Variants in TBCE observed in about 807,000 individuals in gnomAD.
TBCE encodes the protein tubulin-specific chaperone E.
A neutral mutation model predicts 77.0 loss-of-function variants in TBCE; 53 were observed. The ratio of observed to expected loss-of-function variants is 0.69; its 90% CI spans 0.55 to 0.87. The LOEUF (loss-of-function observed/expected upper bound fraction) is 0.87, where lower values mean the gene tolerates loss of function less well. TBCE is among the 40% of genes least tolerant of loss of function. The probability of loss-of-function intolerance (pLI) is 0.00; values close to 1 mark genes in which losing one functional copy is unlikely to be tolerated. For synonymous variants in TBCE, 235 were observed against 241.3 expected, an observed-to-expected ratio of 0.97 and a Z score of 0.24; for missense variants, 624 against 622.4, an observed-to-expected ratio of 1.00 and a Z score of -0.03.
chr1:235,381,937 T>C (rs1677684648), intron 2 of TBCE, among the ~76,000 whole-genome samples: 2 of 144,614 alleles, frequency 1.4e-5, no homozygotes, highest in Non-Finnish European at 3.0e-5. Context: ...TAGCATTAGG[T>C]ATATCTCCTA....
chr1:235,389,398 G>A (rs531808038), intron 2 of TBCE, among the ~76,000 whole-genome samples: 47 of 152,238 alleles, frequency 3.1e-4, no homozygotes, highest in African/African-American at 8.4e-4. Context: ...CACAATCTCG[G>A]CTCATTGTAA....
Position 235,448,686 on chromosome 1 carries a change from T to C in TBCE, c.1508T>C (p.Ile503Thr). The C allele has an allele frequency of 6.2e-7, 1 of 1,614,036 alleles. No individual in the cohort carries two copies. The highest frequency in any genetic ancestry group is 8.5e-7 in the Non-Finnish European group (1 of 1,179,956). The change falls in exon 17 of 17, where the codon ATC becomes ACC. Residue 503 changes from isoleucine to threonine, a missense_variant. Transcript: ENST00000642610. Reference protein sequence around the residue: ...YESPKKPGREIELENDLKSLQ... With the variant: ...YESPKKPGRETELENDLKSLQ... Reference sequence around the variant, plus strand: ...TAATTTTAGAAGCCGGGCAGAGAAATCGAGCTGGAAAATGACCTAAAGTCA... The same window carrying C: ...TAATTTTAGAAGCCGGGCAGAGAAACCGAGCTGGAAAATGACCTAAAGTCA...
Position 235,438,725 on chromosome 1 carries a change from A to G in TBCE, c.1117-44A>G, listed in dbSNP as rs200300872. 3.5e-5 allele frequency: 56 copies of G among 1,614,064 alleles called. No homozygotes were observed. The African/African-American group carries it at 6.9e-4, about 20-fold the overall frequency. Reference sequence around the variant, plus strand: ...TGCAAAACGCAAAGGACATGTTAGAAAAAAGCTTTGTAATAGGCTTGTTTT... The same window carrying G: ...TGCAAAACGCAAAGGACATGTTAGAGAAAAGCTTTGTAATAGGCTTGTTTT... On this transcript the variant is annotated intron_variant, in intron 12 of 16. Coordinates refer to ENST00000642610, the MANE Select transcript of TBCE (RefSeq NM_003193.5).
At chr1:235,400,406 C>CTATTTTTTTTTTTTTT (rs1445157726) in intron 2 of TBCE, among the ~76,000 whole-genome samples, 4 of 49,196 alleles carry the variant, frequency 8.1e-5, no homozygotes, top group South Asian at 4.4e-4. Context: ...ATTATTTTTC[C>CTATTTTTTTTTTTTTT]TCTTTTTTTT....
rs763640897 is a variant in TBCE at position 235,448,715 on chromosome 1, C to T, written c.1537C>T (p.Gln513Ter). 10 of 1,613,910 alleles carry T rather than the reference C, an allele frequency of 6.2e-6. No homozygotes were observed. Among genetic ancestry groups the T allele is most frequent in the Non-Finnish European group, 7.6e-6 (9 of 1,179,976 alleles). The change falls in exon 17 of 17, where the codon CAG becomes TAG. Residue 513 changes from glutamine to a stop codon, truncating the protein, a stop_gained. Transcript: ENST00000642610. LOFTEE classifies it high-confidence loss of function. ...IELENDLKSL[Q>*]FYSVENGDCL... ...GCTGGAAAATGACCTAAAGTCATTA[C>T]AGTTTTATTCTGTGGAAAATGGAGA...
At chr1:235,444,723 A>C (rs1206755646) in intron 15 of TBCE, among the ~76,000 whole-genome samples, 1 of 152,200 alleles carries the variant, frequency 6.6e-6, no homozygotes, top group Non-Finnish European at 1.5e-5. Flanking sequence ...CTTTCTGTGA[A>C]TGTTTTTGGC....
At chr1:235,443,873 TC>T (rs777010972) in intron 15 of TBCE, among the ~76,000 whole-genome samples, 7 of 152,204 alleles carry the variant, frequency 4.6e-5, no homozygotes, top group Non-Finnish European at 1.0e-4. Flanking sequence ...ATAAAGTAGA[TC>T]AACATAACTT....
intron 1 of TBCE, among the ~76,000 whole-genome samples, chr1:235,368,506 A>C (rs1220674737): frequency 6.7e-6 from 1 of 149,026 alleles, no homozygotes; most frequent in Non-Finnish European, 1.5e-5. Context: ...TACTGTTGTA[A>C]ACAGCATATC....
At chr1:235,370,400 A>C (rs1025914635) in intron 1 of TBCE, among the ~76,000 whole-genome samples, 19 of 151,380 alleles carry the variant, frequency 1.3e-4, no homozygotes, top group Admixed American at 1.3e-4. Flanking sequence ...TTACAGGCGC[A>C]TGCCACCATG....
rs5781831 is a variant in TBCE, at chr1:235,452,019, GTT to G, written c.*3267_*3268del. ...CTCAATCAGTGGATTCTGTCGTTCA[GTT>G]TTTTTTTTTGAGACGGAGTCTCGCT... On this transcript the variant is annotated 3_prime_UTR_variant, in exon 17 of 17. Coordinates refer to ENST00000642610, the MANE Select transcript of TBCE (RefSeq NM_003193.5). 2.7e-4 allele frequency: 41 copies of G among 150,064 alleles called. No homozygotes were observed. Among genetic ancestry groups the G allele is most frequent in the African/African-American group, 7.3e-4 (30 of 40,902 alleles). 9.3% of individuals were successfully genotyped at this position (150,064 alleles called of 1,614,324 possible).
In TBCE at chr1:235,437,492, G is replaced by A. The variant is rs754935848; in HGVS notation, c.1116+18G>A. The A allele has an allele frequency of 3.1e-6, 5 of 1,613,370 alleles. No individual in the cohort carries two copies. In the African/African-American group the frequency reaches 4.0e-5, roughly 13 times the overall value. On this transcript the variant is annotated intron_variant, in intron 12 of 16. Coordinates refer to ENST00000642610, the MANE Select transcript of TBCE (RefSeq NM_003193.5). Reference sequence around the variant, plus strand: ...AATGTGAGGTGAGCACTGGCGTCATGACTAGATATTTTTTAGACTAGAAAA... The same window carrying A: ...AATGTGAGGTGAGCACTGGCGTCATAACTAGATATTTTTTAGACTAGAAAA...
At chr1:235,402,065 CTTT>C (rs55848781) in intron 3 of TBCE, among the ~76,000 whole-genome samples, 7 of 134,874 alleles carry the variant, frequency 5.2e-5, no homozygotes, top group Admixed American at 7.5e-5. Context: ...ATTTCTTTGT[CTTT>C]TTTTTTTTTT....
At chr1:235,392,237 C>G (rs1206507076) in intron 2 of TBCE, among the ~76,000 whole-genome samples, 1 of 151,504 alleles carries the variant, frequency 6.6e-6, no homozygotes, top group Non-Finnish European at 1.5e-5. Flanking sequence ...TGCCTGTAGC[C>G]CCAGCTACTT....
intron 6 of TBCE, 52 bp from the exon 7 acceptor site, chr1:235,430,653 G>A: frequency 2.3e-6 from 3 of 1,325,204 alleles, no homozygotes; most frequent in Non-Finnish European, 3.2e-6. Context: ...AACTATTTCA[G>A]TTGGGTTTAC....
At chr1:235,411,567 G>C (rs1417596021) in intron 3 of TBCE, among the ~76,000 whole-genome samples, 1 of 152,074 alleles carries the variant, frequency 6.6e-6, no homozygotes, top group Non-Finnish European at 1.5e-5. Context: ...GGAATCCATA[G>C]AGTAAAGTGA....
chr1:235,368,093 A>T (rs555558908), intron 1 of TBCE, among the ~76,000 whole-genome samples: 33 of 152,148 alleles, frequency 2.2e-4, no homozygotes, highest in African/African-American at 6.7e-4. Context: ...TTTAGTAGAG[A>T]CAGGGTTTCT....
intron 2 of TBCE, among the ~76,000 whole-genome samples, chr1:235,394,418 CTTTTTTTTTTT>C (rs386370043): frequency 2.0e-3 from 144 of 72,324 alleles, no homozygotes; most frequent in African/African-American, 7.6e-3. Flanking sequence ...TTGATAATTT[CTTTTTTTTTTT>C]TTTTTTTTTT....
intron 6 of TBCE, among the ~76,000 whole-genome samples, chr1:235,427,486 A>C (rs1232156089): frequency 6.6e-6 from 1 of 152,182 alleles, no homozygotes; most frequent in African/African-American, 2.4e-5. Context: ...TGTAAAATCG[A>C]GCTGCAGACA....
In TBCE at chr1:235,434,184, G is replaced by A; in HGVS notation, c.661-20G>A. On this transcript the variant is annotated intron_variant, in intron 7 of 16. Coordinates refer to ENST00000642610, the MANE Select transcript of TBCE (RefSeq NM_003193.5). ...CAGCCAGCAGAGGCCGCCTGAGCCT[G>A]AACCGAGTTTCTCTTCCAGGTGCTG... 1.2e-6 allele frequency: 2 copies of A among 1,613,830 alleles called. No homozygotes were observed. The highest frequency in any genetic ancestry group is 1.7e-6 in the Non-Finnish European group (2 of 1,179,750).
Sources: gnomAD v4.1 joint callset for allele counts (sites outside exome capture counted in the v4.1 genomes callset) on GRCh38, gnomAD v4.1.1 for gene constraint, MANE v1.5 for transcripts, NCBI Gene and HGNC (gene_info 2026-07-23, HGNC 2026-07-21) for gene names.